PPP1R3F: variants seen among roughly 807,000 people sequenced by gnomAD.
The protein encoded by PPP1R3F is protein phosphatase 1, regulatory (inhibitor) subunit 3F.
PPP1R3F carries 29 observed loss-of-function variants against 24.2 expected under a neutral mutation model. The ratio of observed to expected loss-of-function variants is 1.20; its 90% CI spans 0.89 to 1.63. The LOEUF (loss-of-function observed/expected upper bound fraction) is 1.63, where lower values mean the gene tolerates loss of function less well. Ranked by LOEUF, PPP1R3F falls within the 40% of genes most tolerant of loss-of-function variation. PPP1R3F has a pLI of 0.00. For missense variants in PPP1R3F, 823 were observed against 729.3 expected, an observed-to-expected ratio of 1.13 and a Z score of -1.48; for synonymous variants, 363 against 340.1, an observed-to-expected ratio of 1.07 and a Z score of -0.74.
rs944779655 is a variant in PPP1R3F, at chrX:49,287,891, C to G, written c.*801C>G. 1.8e-5 allele frequency: 2 copies of G among 110,873 alleles called. No homozygotes were observed. The highest frequency in any genetic ancestry group is 1.9e-4 in the Admixed American group (2 of 10,435). 9.1% of individuals were successfully genotyped at this position (110,873 alleles called of 1,213,427 possible). A position where few individuals can be genotyped will look rare whatever the true frequency, so the allele number is the denominator to read the frequency against. ...GGTTTTGAGGTTACTGAAAAAACAGCCTTTGACACCAGCAGGGAGACCCCT... is the reference window on the plus strand; with the variant it reads ...GGTTTTGAGGTTACTGAAAAAACAGGCTTTGACACCAGCAGGGAGACCCCT... On this transcript the variant is annotated 3_prime_UTR_variant, in exon 4 of 4. Transcript: ENST00000055335.
At chrX:49,297,825 CTGCTTTTTT>C (rs2066327456) in intron 3 of PPP1R3F, among the ~76,000 whole-genome samples, 2 of 66,567 alleles carry the variant, frequency 3.0e-5, no homozygotes, top group African/African-American at 1.5e-4. Flanking sequence ...ATTGCAACCC[CTGCTTTTTT>C]TTTTTTTTTT....
intron 3 of PPP1R3F, 65 bp from the exon 4 acceptor site, chrX:49,285,768 TC>T: frequency 2.9e-6 from 3 of 1,043,142 alleles, no homozygotes; most frequent in Non-Finnish European, 3.8e-6. Context: ...CTCTGCTTGT[TC>T]CATCCCCTCC....
In PPP1R3F at chrX:49,270,758, G is replaced by C; in HGVS notation, c.889G>C (p.Glu297Gln). The C allele has an allele frequency of 8.3e-7, 1 of 1,201,165 alleles. No individual in the cohort carries two copies. The highest frequency in any genetic ancestry group is 1.1e-6 in the Non-Finnish European group (1 of 890,454). Residue 297 changes from glutamate to glutamine, a missense_variant, in exon 1 of 4, where the codon GAA becomes CAA. Coordinates refer to ENST00000055335, the MANE Select transcript of PPP1R3F (RefSeq NM_033215.5). The stretch of plus-strand genomic sequence containing the variant: ...ACCCGCTCCCACACCCACTGATGCC[G>C]AAGGGCTGCCCCAGCAGCAGCAGCT... ...IAPAPTPTDA[E>Q]GLPQQQQLPQ...
chrX:49,270,103 G>C lies in PPP1R3F; in HGVS notation c.234G>C (p.Gly78=). The change falls in exon 1 of 4, where the codon GGG becomes GGC. Residue 78 remains glycine, a synonymous_variant. Coordinates refer to ENST00000055335, the MANE Select transcript of PPP1R3F (RefSeq NM_033215.5). ...GGCAAGATGGCGGCGGCGGCGGCGG[G>C]GCCGACGAGGACGACGATGGCGAGG... ...AAGQDGGGGG[G]ADEDDDGEDG... is the part of the protein sequence containing the mutation. 9.8e-7 allele frequency: 1 copy of C among 1,019,753 alleles called. No individual in the cohort carries two copies. The highest frequency in any genetic ancestry group is 1.2e-6 in the Non-Finnish European group (1 of 804,685). 84.0% of individuals were successfully genotyped at this position (1,019,753 alleles called of 1,213,427 possible). A position where few individuals can be genotyped will look rare whatever the true frequency, so the allele number is the denominator to read the frequency against.
rs199718410 is a variant in PPP1R3F, at chrX:49,286,075, C to T, written c.1385C>T (p.Ser462Leu). Residue 462 changes from serine to leucine, a missense_variant, in exon 4 of 4, where the codon TCG (serine) becomes TTG (leucine). Transcript: ENST00000055335. ...QQQAEATWGV[S>L]SENGGGLEAV... ...CAGGCAGAGGCCACATGGGGAGTATCGAGTGAGAATGGAGGGGGGCTGGAG... is the reference window on the plus strand; with the variant it reads ...CAGGCAGAGGCCACATGGGGAGTATTGAGTGAGAATGGAGGGGGGCTGGAG... 7.2e-5 allele frequency: 84 copies of T among 1,173,829 alleles called. No individual in the cohort carries two copies. In the African/African-American group the frequency reaches 1.3e-3, roughly 18 times the overall value.
At position 49,270,507 on chromosome X, in the gene PPP1R3F, C is replaced by T. The variant is rs2066169082; in HGVS notation, c.638C>T (p.Ala213Val). The change falls in exon 1 of 4, where the codon GCA becomes GTA. Residue 213 changes from alanine (A) to valine (V), a missense_variant. Transcript: ENST00000055335. The part of the protein sequence containing the change: ...PPWAGAGGTG[A>V]GDPILDPGLG... ...TGGGCAGGAGCGGGAGGAACAGGAG[C>T]AGGAGATCCCATCCTGGATCCGGGG... 1.7e-6 allele frequency: 2 copies of T among 1,206,006 alleles called. No individual in the cohort carries two copies. Among genetic ancestry groups the T allele is most frequent in the Non-Finnish European group, 2.2e-6 (2 of 894,969 alleles).
intron 3 of PPP1R3F, among the ~76,000 whole-genome samples, chrX:49,293,569 CAAAGACACA>C (rs1177941202): frequency 8.9e-6 from 1 of 112,225 alleles, no homozygotes; most frequent in Non-Finnish European, 1.9e-5. Flanking sequence ...CTAAGGTACA[CAAAGACACA>C]ATGTTAGGTG....
Position 49,281,461 on chromosome X carries a change from G to C in PPP1R3F, c.1060G>C (p.Ala354Pro). ...CATGGATGATAACACCTTTGCCATG[G>C]GTAAGCAATTGGCAAGCTTCGGAAG... ...KNMDDNTFAMAEHPDVQESVG... is the reference protein window; with the variant it reads ...KNMDDNTFAMPEHPDVQESVG... Residue 354 changes from alanine to proline, a missense_variant and splice_region_variant, in exon 2 of 4, where the codon GCA (alanine) becomes CCA (proline). Ala to Pro is a conservative substitution (Grantham distance 27). Coordinates refer to ENST00000055335, the MANE Select transcript of PPP1R3F (RefSeq NM_033215.5). 8.3e-7 allele frequency: 1 copy of C among 1,198,311 alleles called. No homozygotes were observed. Among genetic ancestry groups the C allele is most frequent in the Non-Finnish European group, 1.1e-6 (1 of 884,031 alleles).
intron 1 of PPP1R3F, chrX:49,274,325 A>T (rs1383528075): frequency 9.0e-6 from 1 of 111,445 alleles, no homozygotes. Flanking sequence ...CATGGTCTTC[A>T]AGCACCCTCC....
chrX:49,295,254 G>A (rs1267860719), intron 3 of PPP1R3F, among the ~76,000 whole-genome samples: 2 of 110,845 alleles, frequency 1.8e-5, no homozygotes, highest in African/African-American at 3.3e-5. Flanking sequence ...AGCAATTCTC[G>A]TGTCTCAGCC....
chrX:49,297,828 CTTTTTTTTTTTTT>C lies in PPP1R3F; in HGVS notation c.393-3510_393-3498del, dbSNP rs61353822. On this transcript the variant is annotated intron_variant, in intron 3 of 3. Coordinates refer to the PPP1R3F transcript ENST00000471261. ...TCAGAGACTAGGATTGCAACCCCTG[CTTTTTTTTTTTTT>C]TTTTTTTTTTTTGCTTTCCATTTGC... Among the ~76,000 whole-genome samples, 4 of 19,598 alleles carry C rather than the reference CTTTTTTTTTTTTT, an allele frequency of 2.0e-4. 1 individual carries two copies. Among genetic ancestry groups the C allele is most frequent in the African/African-American group, 8.9e-4 (3 of 3,380 alleles). The allele number at this position is 19,598 out of a possible 115,157, so 17.0% of individuals were successfully genotyped here.
At chrX:49,271,331 G>T (rs2066179048) in intron 1 of PPP1R3F, among the ~76,000 whole-genome samples, 1 of 112,034 alleles carries the variant, frequency 8.9e-6, no homozygotes, top group Non-Finnish European at 1.9e-5. Context: ...GGGGAGGTGG[G>T]GGAGAGTTTG....
At position 49,270,835 on chromosome X, in the gene PPP1R3F, C is replaced by T; in HGVS notation, c.966C>T (p.Ala322=). Residue 322 remains alanine (A), a synonymous_variant, in exon 1 of 4, where the codon GCC becomes GCT. Transcript: ENST00000055335. ...PECQGPVEAE[A]RQLKSCMKPV... ...GCCAGGGTCCCGTGGAGGCTGAGGC[C>T]AGGCAGCTGAAGAGCTGCATGAAGC... 1.7e-6 allele frequency: 2 copies of T among 1,187,693 alleles called. No individual in the cohort carries two copies. Among genetic ancestry groups the T allele is most frequent in the South Asian group, 3.7e-5 (2 of 54,217 alleles).
intron 1 of PPP1R3F, among the ~76,000 whole-genome samples, chrX:49,276,004 G>A (rs1022330094): frequency 1.2e-4 from 13 of 112,440 alleles, no homozygotes; most frequent in African/African-American, 3.2e-4. Context: ...GGGCATCTTA[G>A]TTTTCTGTAG....
chrX:49,278,814 GC>G (rs2147967018), intron 1 of PPP1R3F, among the ~76,000 whole-genome samples: 1 of 112,529 alleles, frequency 8.9e-6, no homozygotes, highest in East Asian at 2.8e-4. Context: ...CCAAAGAAAA[GC>G]CTGCATGAAG....
chrX:49,299,941 C>T (rs1557123169), intron 3 of PPP1R3F, among the ~76,000 whole-genome samples: 1 of 112,205 alleles, frequency 8.9e-6, no homozygotes, highest in Non-Finnish European at 1.9e-5. Flanking sequence ...TCTTAGTTTG[C>T]TGGGCTCCGT....
rs1557119038 is a variant in PPP1R3F at position 49,270,690 on chromosome X, C to T, written c.821C>T (p.Ala274Val). The part of the protein sequence containing the change: ...RYETPEGTFW[A>V]NNHGRNYTVL... ...GAGACCCCTGAGGGCACTTTCTGGG[C>T]CAACAACCACGGCCGCAACTACACA... Residue 274 changes from alanine to valine, a missense_variant, in exon 1 of 4, where the codon GCC becomes GTC. Physicochemically the swap from Ala to Val is moderately conservative, Grantham distance 64. Transcript: ENST00000055335. 1 of 1,208,943 alleles carries T rather than the reference C, an allele frequency of 8.3e-7. No individual in the cohort carries two copies. Among genetic ancestry groups the T allele is most frequent in the Non-Finnish European group, 1.1e-6 (1 of 894,259 alleles).
At chrX:49,276,103 G>C (rs782349567) in intron 1 of PPP1R3F, among the ~76,000 whole-genome samples, 2 of 112,854 alleles carry the variant, frequency 1.8e-5, no homozygotes, top group African/African-American at 6.4e-5. Flanking sequence ...CTGAGGCCAC[G>C]TGCTAAGAAA....
At chrX:49,279,250 A>C (rs1418193417) in intron 1 of PPP1R3F, among the ~76,000 whole-genome samples, 2 of 111,802 alleles carry the variant, frequency 1.8e-5, no homozygotes, top group African/African-American at 6.5e-5. Context: ...AAAAACAAAA[A>C]CAAAAACCAA....
Sources: allele counts gnomAD v4.1 joint callset (sites outside exome capture counted in the v4.1 genomes callset), GRCh38; gene constraint gnomAD v4.1.1; transcripts MANE v1.5; gene names NCBI Gene and HGNC (gene_info 2026-07-23, HGNC 2026-07-21).